Variants in TEX10 observed in about 807,000 individuals in gnomAD.
TEX10 encodes the protein testis-expressed protein 10.
Under a neutral mutation model 104.4 loss-of-function variants are expected in TEX10, and 24 were observed. The ratio of observed to expected loss-of-function variants is 0.23; its 90% CI spans 0.17 to 0.32. TEX10 has a LOEUF of 0.32. Among genes scored for constraint, TEX10 ranks in the 10% least tolerant of loss-of-function variants. TEX10 has a pLI of 1.00. For synonymous variants in TEX10, 396 were observed against 393.4 expected, an observed-to-expected ratio of 1.01 and a Z score of -0.08; for missense variants, 921 against 1,083.9, an observed-to-expected ratio of 0.85 and a Z score of 2.11.
chr9:100,324,454 C>G (rs7849019), intron 9 of TEX10, among the ~76,000 whole-genome samples: 20,060 of 152,000 alleles, frequency 0.13, 1,379 homozygotes, highest in Non-Finnish European at 0.15. Context: ...AATAATATAC[C>G]TACATAGAGA....
chr9:100,314,234 C>G (rs542819502), intron 11 of TEX10, among the ~76,000 whole-genome samples: 1 of 152,066 alleles, frequency 6.6e-6, no homozygotes, highest in South Asian at 2.1e-4. Context: ...ACTACAGATG[C>G]ATGCCACCAC....
intron 1 of TEX10, chr9:100,352,486 G>T: frequency 6.4e-7 from 1 of 1,551,292 alleles, no homozygotes; most frequent in Non-Finnish European, 8.7e-7. Context: ...AGTCGGGGAA[G>T]TGGGGCCCGA....
intron 13 of TEX10, chr9:100,306,359 A>C (rs1304012078): frequency 6.6e-6 from 1 of 152,236 alleles, no homozygotes; most frequent in Non-Finnish European, 1.5e-5. Flanking sequence ...ACAAATCTAC[A>C]CTAGGACACA....
chr9:100,311,737 CAAG>C (rs933288637), intron 11 of TEX10, among the ~76,000 whole-genome samples: 4 of 152,068 alleles, frequency 2.6e-5, no homozygotes, highest in East Asian at 1.9e-4. Flanking sequence ...CTCAGAAAAA[CAAG>C]AAGAGTCAAG....
chr9:100,312,005 C>T (rs1052085193), intron 11 of TEX10, among the ~76,000 whole-genome samples: 8 of 152,108 alleles, frequency 5.3e-5, no homozygotes, highest in African/African-American at 1.4e-4. Flanking sequence ...CAGATCTATA[C>T]ATTATTTCTC....
At chr9:100,349,442 C>T (rs907926912) in intron 1 of TEX10, 70 bp from the exon 2 acceptor site, 1 of 930,620 alleles carries the variant, frequency 1.1e-6, no homozygotes. Flanking sequence ...AGGCACTTTC[C>T]AACACATACT....
intron 11 of TEX10, among the ~76,000 whole-genome samples, chr9:100,319,205 A>G (rs1302668169): frequency 6.6e-6 from 1 of 152,016 alleles, no homozygotes; most frequent in Non-Finnish European, 1.5e-5. Flanking sequence ...AAAAACAAAA[A>G]ACACCAAACC....
In TEX10 at chr9:100,321,782, C is replaced by CA. The variant is rs988609460; in HGVS notation, c.1980-12dup. On this transcript the variant is annotated splice_polypyrimidine_tract_variant and intron_variant, in intron 9 of 14. Coordinates refer to ENST00000374902, the MANE Select transcript of TEX10 (RefSeq NM_017746.4). ...CCAGAAAATGATGATCTATAAAAAA[C>CA]AAAGGGAGAACTATTACCAGAAGTG... 1.1e-5 allele frequency: 17 copies of CA among 1,605,262 alleles called. No individual in the cohort carries two copies. The highest frequency in any genetic ancestry group is 1.4e-5 in the Non-Finnish European group (16 of 1,174,378).
intron 5 of TEX10, among the ~76,000 whole-genome samples, chr9:100,334,719 C>CAGTG (rs914096001): frequency 6.7e-6 from 1 of 150,078 alleles, no homozygotes; most frequent in African/African-American, 2.5e-5. Flanking sequence ...GGCCAGAGTA[C>CAGTG]AGTGGCACTA....
intron 5 of TEX10, 127 bp from the exon 6 acceptor site, chr9:100,330,296 A>T (rs967331912): frequency 1.1e-5 from 8 of 735,780 alleles, no homozygotes; most frequent in Non-Finnish European, 1.8e-5. Flanking sequence ...ATGGCCAAGA[A>T]GATAGGTGCA....
rs537209891 is a variant in TEX10, at chr9:100,327,273, G to A, written c.1801+514C>T. Among the ~76,000 whole-genome samples the A allele has an allele frequency of 2.0e-5, 3 of 151,870 alleles. No individual in the cohort carries two copies. In the South Asian group the frequency reaches 6.2e-4, roughly 32 times the overall value. On this transcript the variant is annotated intron_variant, in intron 8 of 14. Coordinates refer to ENST00000374902, the MANE Select transcript of TEX10 (RefSeq NM_017746.4). ...AGTGGTGATAGTTGCACAACCTTAG[G>A]AATATATTTTTTAAAATTCATTGAA...
chr9:100,352,677 C>T, intron 1 of TEX10, 95 bp downstream of exon 1: 1 of 1,367,570 alleles, frequency 7.3e-7, no homozygotes, highest in Non-Finnish European at 9.4e-7. Context: ...ACGGCCGACC[C>T]TGCCCGCTTG....
intron 5 of TEX10, among the ~76,000 whole-genome samples, chr9:100,337,724 C>T (rs1305449288): frequency 2.0e-5 from 3 of 152,178 alleles, no homozygotes; most frequent in Non-Finnish European, 4.4e-5. Flanking sequence ...CCCAGATCCA[C>T]GCTCTCCATC....
intron 11 of TEX10, among the ~76,000 whole-genome samples, chr9:100,311,612 C>T (rs1834283893): frequency 6.6e-6 from 1 of 152,080 alleles, no homozygotes; most frequent in South Asian, 2.1e-4. Flanking sequence ...CCAGAAAATA[C>T]AAATATCCTG....
intron 5 of TEX10, among the ~76,000 whole-genome samples, chr9:100,334,747 C>T (rs138410725): frequency 3.7e-3 from 567 of 152,014 alleles, no homozygotes; most frequent in Middle Eastern, 6.8e-3. Context: ...TCACTGCAAC[C>T]TCCACCTCTG....
chr9:100,350,347 CAG>C (rs1835410315), intron 1 of TEX10, among the ~76,000 whole-genome samples: 1 of 152,212 alleles, frequency 6.6e-6, no homozygotes, highest in African/African-American at 2.4e-5. Context: ...TCTCTGAACA[CAG>C]ATCTCATGAC....
Position 100,312,714 on chromosome 9 carries a change from T to A in TEX10, c.2203-2335A>T, listed in dbSNP as rs1413140853. ...CAAGTATCATACCAAGAAAGTTACATGTGCTACCATAACCGTATAGAAGCT... is the reference window on the plus strand; with the variant it reads ...CAAGTATCATACCAAGAAAGTTACAAGTGCTACCATAACCGTATAGAAGCT... On this transcript the variant is annotated intron_variant, in intron 11 of 14. Coordinates refer to ENST00000374902, the MANE Select transcript of TEX10 (RefSeq NM_017746.4). Among the ~76,000 whole-genome samples, 4 of 152,218 alleles carry A rather than the reference T, an allele frequency of 2.6e-5. No individual in the cohort carries two copies. The East Asian group carries it at 7.7e-4, about 29-fold the overall frequency.
chr9:100,327,999 A>T lies in TEX10; in HGVS notation c.1626-37T>A, dbSNP rs372547571. 3.5e-4 allele frequency: 508 copies of T among 1,444,078 alleles called. 1 individual carries two copies. The highest frequency in any genetic ancestry group is 4.5e-4 in the Non-Finnish European group (484 of 1,084,606). 89.5% of individuals were successfully genotyped at this position (1,444,078 alleles called of 1,614,324 possible). A position where few individuals can be genotyped will look rare whatever the true frequency, so the allele number is the denominator to read the frequency against. The stretch of plus-strand genomic sequence containing the variant: ...CAAAGAAGAATAAAATGTAATACTC[A>T]AAGACAAGGGAAATAAATTTAAACA... On this transcript the variant is annotated intron_variant, in intron 7 of 14. Transcript: ENST00000374902.
chr9:100,331,089 C>G (rs759987403), intron 5 of TEX10, among the ~76,000 whole-genome samples: 19 of 128,022 alleles, frequency 1.5e-4, no homozygotes, highest in Admixed American at 3.5e-4. Context: ...AACTCTGTCT[C>G]TACTAAATAC....
Sources: gnomAD v4.1 joint callset for allele counts (sites outside exome capture counted in the v4.1 genomes callset) on GRCh38, gnomAD v4.1.1 for gene constraint, MANE v1.5 for transcripts, NCBI Gene and HGNC (gene_info 2026-07-23, HGNC 2026-07-21) for gene names.